MICAL3: variants seen among roughly 807,000 people sequenced by gnomAD.
MICAL3 encodes [F-actin]-monooxygenase MICAL3.
In MICAL3, 62 loss-of-function variants were observed where a neutral mutation model predicts 207.4. The ratio of observed to expected loss-of-function variants is 0.30; its 90% CI spans 0.24 to 0.37. The LOEUF (loss-of-function observed/expected upper bound fraction) is 0.37. Ranked by LOEUF, MICAL3 falls within the 10% of genes least tolerant of loss-of-function variation. The pLI is 1.00. For missense variants in MICAL3, 2,368 were observed against 2,635.6 expected, an observed-to-expected ratio of 0.90 and a Z score of 2.22; for synonymous variants, 1,077 against 1,069.3, an observed-to-expected ratio of 1.01 and a Z score of -0.14.
intron 12 of MICAL3, 77 bp downstream of exon 12, chr22:17,891,408 C>A: frequency 7.2e-7 from 1 of 1,395,490 alleles, no homozygotes. Context: ...GGAAAAAGGA[C>A]AAAATGTTAC....
At chr22:17,938,427 C>T (rs1311577965) in intron 1 of MICAL3, among the ~76,000 whole-genome samples, 1 of 152,224 alleles carries the variant, frequency 6.6e-6, no homozygotes, top group Non-Finnish European at 1.5e-5. Context: ...ATGAACACAG[C>T]TCCACAGGTA....
At chr22:17,897,902 C>A (rs1930986305) in intron 7 of MICAL3, among the ~76,000 whole-genome samples, 1 of 152,180 alleles carries the variant, frequency 6.6e-6, no homozygotes, top group Non-Finnish European at 1.5e-5. Context: ...AGGTTCCTGG[C>A]ACACTGAGCC....
At chr22:17,913,310 A>C (rs1294044259) in intron 1 of MICAL3, among the ~76,000 whole-genome samples, 1 of 152,152 alleles carries the variant, frequency 6.6e-6, no homozygotes, top group Admixed American at 6.5e-5. Flanking sequence ...CTGGAGTAGA[A>C]ATAAGTCGTG....
chr22:17,953,341 G>A (rs547972405), intron 1 of MICAL3, among the ~76,000 whole-genome samples: 14 of 152,256 alleles, frequency 9.2e-5, no homozygotes, highest in South Asian at 4.1e-4. Context: ...ATGGATGATC[G>A]CACGCCCTTT....
Position 17,906,681 on chromosome 22 carries a change from C to A in MICAL3, c.132G>T (p.Lys44Asn). The A allele has an allele frequency of 6.2e-7, 1 of 1,613,990 alleles. No homozygotes were observed. The highest frequency in any genetic ancestry group is 8.5e-7 in the Non-Finnish European group (1 of 1,179,888). The change falls in exon 2 of 32, where the codon AAG (lysine) becomes AAT (asparagine). Residue 44 changes from lysine to asparagine, a missense_variant. Coordinates refer to ENST00000441493, the MANE Select transcript of MICAL3 (RefSeq NM_015241.3). ...ELCDHLELKPKDYRSFYHKLK... is the reference protein window; with the variant it reads ...ELCDHLELKPNDYRSFYHKLK... ...GCTTGTGATAGAAGGAGCGGTAGTC[C>A]TTTGGCTTTAGTTCCAGGTGGTCAC...
At chr22:17,967,392 A>C (rs1437804399) in intron 1 of MICAL3, among the ~76,000 whole-genome samples, 1 of 152,018 alleles carries the variant, frequency 6.6e-6, no homozygotes, top group Non-Finnish European at 1.5e-5. Flanking sequence ...TAAGGCATTT[A>C]CTCAAGCGAC....
intron 19 of MICAL3, among the ~76,000 whole-genome samples, chr22:17,846,722 A>G (rs547561585): frequency 2.6e-4 from 40 of 152,336 alleles, no homozygotes; most frequent in African/African-American, 8.2e-4. Flanking sequence ...TAGTGCAACA[A>G]CAGCCCAACA....
chr22:17,981,914 G>A (rs903329272), intron 1 of MICAL3, among the ~76,000 whole-genome samples: 1 of 152,196 alleles, frequency 6.6e-6, no homozygotes, highest in South Asian at 2.1e-4. Flanking sequence ...ACCAGCCTTG[G>A]TAACATAGTG....
chr22:17,982,650 G>A (rs1360026372), intron 1 of MICAL3, among the ~76,000 whole-genome samples: 6 of 142,112 alleles, frequency 4.2e-5, no homozygotes, highest in South Asian at 2.1e-4. Context: ...CAGCCTGGGC[G>A]ACAGAGTAAG....
At chr22:17,843,586 C>T (rs930218330) in intron 19 of MICAL3, among the ~76,000 whole-genome samples, 4 of 152,224 alleles carry the variant, frequency 2.6e-5, no homozygotes, top group Non-Finnish European at 4.4e-5. Context: ...CCGAGTGACA[C>T]GATGCACACA....
rs73876520 is a variant in MICAL3 at position 17,874,933 on chromosome 22, T to C, written c.2242-2910A>G. 6.8e-3 allele frequency among the ~76,000 whole-genome samples: 1,027 copies of C among 151,480 alleles called. 9 individuals are homozygous for C. The highest frequency in any genetic ancestry group is 0.023 in the African/African-American group (957 of 41,264). The stretch of plus-strand genomic sequence containing the variant: ...CAGGCATGGGAAATACCAGTAGGAG[T>C]GGCAAAGAGACCTTCCAATCTCTCT... On this transcript the variant is annotated intron_variant, in intron 16 of 31. Transcript: ENST00000441493.
intron 16 of MICAL3, among the ~76,000 whole-genome samples, chr22:17,880,165 G>T (rs1929285117): frequency 6.6e-6 from 1 of 152,220 alleles, no homozygotes; most frequent in Admixed American, 6.5e-5. Flanking sequence ...GGCAGAGGGA[G>T]GCCAGAGCGT....
chr22:17,934,191 C>A (rs1430939822), intron 1 of MICAL3, among the ~76,000 whole-genome samples: 1 of 152,154 alleles, frequency 6.6e-6, no homozygotes, highest in African/African-American at 2.4e-5. Flanking sequence ...TGATGAACAT[C>A]AATGCGAAAA....
At chr22:17,877,928 C>T (rs892185627) in intron 16 of MICAL3, among the ~76,000 whole-genome samples, 5 of 152,050 alleles carry the variant, frequency 3.3e-5, no homozygotes, top group Non-Finnish European at 7.4e-5. Context: ...TCTTGGCTCA[C>T]TGCAAGCTCT....
intron 1 of MICAL3, among the ~76,000 whole-genome samples, chr22:17,968,797 GC>G (rs1472281140): frequency 6.6e-6 from 1 of 152,144 alleles, no homozygotes; most frequent in Non-Finnish European, 1.5e-5. Context: ...GGAGTTAGGC[GC>G]TTTTAGATTA....
intron 16 of MICAL3, 87 bp downstream of exon 16, chr22:17,885,791 C>G: frequency 7.1e-7 from 1 of 1,401,450 alleles, no homozygotes; most frequent in Non-Finnish European, 1.0e-6. Flanking sequence ...GGGTCTGTGA[C>G]ACAGCCCATC....
intron 1 of MICAL3, among the ~76,000 whole-genome samples, chr22:17,967,577 T>C (rs1367566008): frequency 1.3e-5 from 2 of 152,102 alleles, no homozygotes; most frequent in African/African-American, 4.8e-5. Flanking sequence ...GACAGGCTTC[T>C]AACAAATTCA....
chr22:17,896,279 A>G lies in MICAL3; in HGVS notation c.1289T>C (p.Leu430Pro). ...DSAWMVRSWS[L>P]GTSPLEVLAE... The stretch of plus-strand genomic sequence containing the variant: ...CAGCACTTCCAAAGGGCTCGTTCCT[A>G]GAGACCAACTTCGGACCATCCAGGC... Residue 430 changes from leucine (L) to proline (P), a missense_variant, in exon 9 of 32, where the codon CTA (leucine) becomes CCA (proline). By Grantham distance (98) the Leu-to-Pro change is moderately conservative (BLOSUM62 -3). Transcript: ENST00000441493. 1 of 1,559,212 alleles carries G rather than the reference A, an allele frequency of 6.4e-7. No individual in the cohort carries two copies. The highest frequency in any genetic ancestry group is 1.2e-5 in the South Asian group (1 of 84,364).
chr22:17,971,589 G>C (rs991693797), intron 1 of MICAL3, among the ~76,000 whole-genome samples: 6 of 152,078 alleles, frequency 3.9e-5, no homozygotes, highest in Admixed American at 1.3e-4. Context: ...GCATACACAG[G>C]CACCAGACAC....
Sources: allele counts gnomAD v4.1 joint callset (sites outside exome capture counted in the v4.1 genomes callset), GRCh38; gene constraint gnomAD v4.1.1; transcripts MANE v1.5; gene names NCBI Gene and HGNC (gene_info 2026-07-23, HGNC 2026-07-21).